Variants in FAT3 observed in about 807,000 individuals in gnomAD.
The protein encoded by FAT3 is protocadherin Fat 3.
A neutral mutation model predicts 310.2 loss-of-function variants in FAT3; 95 were observed. The ratio of observed to expected loss-of-function variants is 0.31; its 90% CI spans 0.26 to 0.36. The LOEUF (loss-of-function observed/expected upper bound fraction) is 0.36, where lower values mean the gene tolerates loss of function less well. Ranked by LOEUF, FAT3 falls within the 10% of genes least tolerant of loss-of-function variation. The probability of loss-of-function intolerance (pLI) is 1.00; values close to 1 mark genes in which losing one functional copy is unlikely to be tolerated. For synonymous variants in FAT3, 2,314 were observed against 2,192.9 expected (o/e 1.06, Z -1.54); for missense variants, 5,408 against 5,715.6 (o/e 0.95, Z 1.74).
At chr11:92,692,412 A>T (rs1943821114) in intron 3 of FAT3, among the ~76,000 whole-genome samples, 1 of 152,190 alleles carries the variant, frequency 6.6e-6, no homozygotes, top group African/African-American at 2.4e-5. Context: ...CTTGTGCCCT[A>T]TTAGGGAAGA....
At chr11:92,695,619 CAGATCTCTTCCAGAGCAACT>C (rs961992428) in intron 3 of FAT3, among the ~76,000 whole-genome samples, 3 of 152,132 alleles carry the variant, frequency 2.0e-5, no homozygotes, top group Non-Finnish European at 4.4e-5. Flanking sequence ...TAGAATACAG[CAGATCTCTTCCAGAGCAACT>C]TTTCATTAAC....
In FAT3 at chr11:92,761,987, C is replaced by G. The variant is rs1389320295; in HGVS notation, c.3801C>G (p.Asp1267Glu). 7 of 1,613,732 alleles carry G rather than the reference C, an allele frequency of 4.3e-6. No homozygotes were observed. Among genetic ancestry groups the G allele is most frequent in the Non-Finnish European group, 5.9e-6 (7 of 1,179,870 alleles). The change falls in exon 5 of 28, where the codon GAC becomes GAG. Residue 1267 changes from aspartate (D) to glutamate (E), a missense_variant. By Grantham distance (45) the Asp-to-Glu change is conservative (BLOSUM62 2). This residue lies in a region of FAT3 where 4,588 missense variants were observed against 4,809.8 expected (regional missense o/e 0.95). Coordinates refer to ENST00000525166, the MANE Select transcript of FAT3 (RefSeq NM_001367949.2). ...ACCAGATCAAGCTGCCAGAACGTGACCGAAAGAAGAGAGGAGAACCGATTT... is the reference window on the plus strand; with the variant it reads ...ACCAGATCAAGCTGCCAGAACGTGAGCGAAAGAAGAGAGGAGAACCGATTT... ...KVYQIKLPERDRKKRGEPIYR... is the reference protein window; with the variant it reads ...KVYQIKLPERERKKRGEPIYR...
At chr11:92,542,826 A>G (rs1036545374) in intron 3 of FAT3, among the ~76,000 whole-genome samples, 56 of 152,160 alleles carry the variant, frequency 3.7e-4, no homozygotes, top group Non-Finnish European at 7.2e-4. Flanking sequence ...ACTACTGGAT[A>G]GATATCCAAG....
At chr11:92,228,081 T>A (rs1863996891) in intron 1 of FAT3, among the ~76,000 whole-genome samples, 1 of 152,116 alleles carries the variant, frequency 6.6e-6, no homozygotes, top group Admixed American at 6.6e-5. Context: ...ATGAGAAAGT[T>A]CCCAGAACTG....
intron 2 of FAT3, among the ~76,000 whole-genome samples, chr11:92,429,163 G>T (rs924590471): frequency 3.3e-5 from 5 of 151,992 alleles, no homozygotes; most frequent in Non-Finnish European, 5.9e-5. Flanking sequence ...TATCTTTGCT[G>T]GTTTAAGGTC....
intron 2 of FAT3, among the ~76,000 whole-genome samples, chr11:92,456,657 C>CAT (rs887785882): frequency 2.0e-5 from 3 of 152,068 alleles, no homozygotes; most frequent in Non-Finnish European, 4.4e-5. Flanking sequence ...TTTGTGTGCA[C>CAT]ATATATATAT....
rs182422049 is a variant in FAT3 at position 92,265,061 on chromosome 11, G to A, written c.-18+39887G>A. 2.9e-3 allele frequency among the ~76,000 whole-genome samples: 437 copies of A among 151,964 alleles called. 2 individuals carry two copies. The highest frequency in any genetic ancestry group is 0.017 in the Middle Eastern group (5 of 294). On this transcript the variant is annotated intron_variant, in intron 1 of 27. Transcript: ENST00000525166. ...AAAAAACCAAAATAATTGCTAAGCC[G>A]AGTCTAGAAATCACCACAGGTTCCC...
chr11:92,681,235 G>A (rs1322221336), intron 3 of FAT3, among the ~76,000 whole-genome samples: 1 of 152,198 alleles, frequency 6.6e-6, no homozygotes, highest in Non-Finnish European at 1.5e-5. Flanking sequence ...TATGCCCACA[G>A]GATGACTTCA....
chr11:92,635,960 T>G (rs1421044014), intron 3 of FAT3, among the ~76,000 whole-genome samples: 1 of 152,002 alleles, frequency 6.6e-6, no homozygotes, highest in Non-Finnish European at 1.5e-5. Flanking sequence ...TTTGTTTTGT[T>G]TTGTTTTGTT....
intron 21 of FAT3, among the ~76,000 whole-genome samples, chr11:92,861,960 G>A (rs1949131112): frequency 6.6e-6 from 1 of 152,150 alleles, no homozygotes; most frequent in Non-Finnish European, 1.5e-5. Flanking sequence ...CAGAGACCTC[G>A]AGAAGTGAAA....
intron 2 of FAT3, among the ~76,000 whole-genome samples, chr11:92,431,081 G>T (rs1385756063): frequency 4.6e-5 from 7 of 152,100 alleles, no homozygotes; most frequent in Non-Finnish European, 7.4e-5. Flanking sequence ...CTGAGGAATC[G>T]CCACACTGAC....
intron 3 of FAT3, among the ~76,000 whole-genome samples, chr11:92,684,860 T>TA (rs1218673217): frequency 6.6e-6 from 1 of 152,192 alleles, no homozygotes; most frequent in African/African-American, 2.4e-5. Flanking sequence ...AACAAGAAAC[T>TA]AAAATGCCAC....
At chr11:92,696,898 A>T (rs1027746963) in intron 3 of FAT3, among the ~76,000 whole-genome samples, 2 of 152,238 alleles carry the variant, frequency 1.3e-5, no homozygotes, top group Middle Eastern at 3.2e-3. Flanking sequence ...TGAAATAATT[A>T]TGTGTACAAG....
intron 4 of FAT3, among the ~76,000 whole-genome samples, chr11:92,740,706 A>T (rs1439573350): frequency 6.6e-6 from 1 of 152,200 alleles, no homozygotes; most frequent in African/African-American, 2.4e-5. Flanking sequence ...GAGGATTTTT[A>T]AAATCATGTA....
chr11:92,629,983 C>T (rs1941495733), intron 3 of FAT3, among the ~76,000 whole-genome samples: 1 of 152,122 alleles, frequency 6.6e-6, no homozygotes, highest in Non-Finnish European at 1.5e-5. Flanking sequence ...TTAGCAAGCT[C>T]TCTGGGTGAT....
intron 4 of FAT3, 99 bp downstream of exon 4, chr11:92,697,544 G>T (rs1943978597): frequency 1.8e-6 from 2 of 1,141,728 alleles, no homozygotes; most frequent in East Asian, 4.7e-5. Context: ...TTGAACAGTG[G>T]ATATCAAAGT....
chr11:92,227,506 C>T lies in FAT3; in HGVS notation c.-18+2332C>T, dbSNP rs562554055. Among the ~76,000 whole-genome samples the T allele has an allele frequency of 7.9e-5, 12 of 152,248 alleles. No individual in the cohort carries two copies. The South Asian group carries it at 2.3e-3, about 29-fold the overall frequency. On this transcript the variant is annotated intron_variant, in intron 1 of 27. Transcript: ENST00000525166. ...CATCTAGGAATTGAGGACCGAGGTG[C>T]CCACATCTCAGTATCGATCAAACAG...
chr11:92,654,169 C>T (rs1942488333), intron 3 of FAT3, among the ~76,000 whole-genome samples: 1 of 152,202 alleles, frequency 6.6e-6, no homozygotes, highest in African/African-American at 2.4e-5. Context: ...GAAACTAGTT[C>T]ATTACACATT....
At chr11:92,385,363 CTTATT>C (rs1488616359) in intron 2 of FAT3, among the ~76,000 whole-genome samples, 6 of 151,932 alleles carry the variant, frequency 3.9e-5, no homozygotes, top group South Asian at 2.1e-4. Context: ...GAGACAGAGT[CTTATT>C]TTATTTTATT....
Sources: gnomAD v4.1 joint callset for allele counts (sites outside exome capture counted in the v4.1 genomes callset) on GRCh38, gnomAD v4.1.1 for gene constraint, gnomAD v4.1.1 regional missense constraint, MANE v1.5 for transcripts, NCBI Gene and HGNC (gene_info 2026-07-23, HGNC 2026-07-21) for gene names.